Variants in FAM13A observed in about 807,000 individuals in gnomAD.
The protein encoded by FAM13A is family with sequence similarity 13 member A.
FAM13A carries 76 observed loss-of-function variants against 129.6 expected under a neutral mutation model. That is an observed-to-expected ratio of 0.59 (90% CI 0.49 to 0.71). The LOEUF (loss-of-function observed/expected upper bound fraction) is 0.71, where lower values mean the gene tolerates loss of function less well. Ranked by LOEUF, FAM13A falls within the 30% of genes least tolerant of loss-of-function variation. The probability of loss-of-function intolerance (pLI) is 0.00; values close to 1 mark genes in which losing one functional copy is unlikely to be tolerated. For missense variants in FAM13A, 1,108 were observed against 1,249.3 expected, an observed-to-expected ratio of 0.89 and a Z score of 1.70; for synonymous variants, 443 against 449.9, an observed-to-expected ratio of 0.98 and a Z score of 0.20.
chr4:88,903,917 C>A (rs776904361), intron 6 of FAM13A, among the ~76,000 whole-genome samples: 12 of 151,980 alleles, frequency 7.9e-5, no homozygotes, highest in Non-Finnish European at 1.8e-4. Flanking sequence ...GGAACTTAAA[C>A]ACATTTATAA....
At chr4:88,790,816 C>T (rs1210212268) in intron 8 of FAM13A, among the ~76,000 whole-genome samples, 189 bp from the exon 9 acceptor site, 1 of 152,118 alleles carries the variant, frequency 6.6e-6, no homozygotes, top group Non-Finnish European at 1.5e-5. Flanking sequence ...GCCCTGCTTG[C>T]TTATAACAGT....
intron 1 of FAM13A, among the ~76,000 whole-genome samples, chr4:89,043,734 CA>C (rs927036177): frequency 7.9e-5 from 12 of 152,142 alleles, no homozygotes; most frequent in African/African-American, 2.9e-4. Flanking sequence ...ACAACAACAA[CA>C]AAAAGATAAA....
intron 3 of FAM13A, among the ~76,000 whole-genome samples, chr4:89,013,550 A>G (rs1766031627): frequency 6.6e-6 from 1 of 152,086 alleles, no homozygotes; most frequent in Non-Finnish European, 1.5e-5. Context: ...ATATATGACT[A>G]TGGTCCTATA....
intron 6 of FAM13A, among the ~76,000 whole-genome samples, chr4:88,893,358 C>T (rs556115706): frequency 6.6e-6 from 1 of 152,352 alleles, no homozygotes; most frequent in South Asian, 2.1e-4. Flanking sequence ...GGTGCAGTGG[C>T]TCACGCCTTT....
chr4:88,834,484 A>C (rs892521105), intron 7 of FAM13A, among the ~76,000 whole-genome samples: 7 of 152,178 alleles, frequency 4.6e-5, no homozygotes, highest in African/African-American at 1.7e-4. Flanking sequence ...TTAACTCACT[A>C]TTTAAATAAA....
chr4:88,848,335 T>C (rs1167634055), intron 7 of FAM13A, among the ~76,000 whole-genome samples: 1 of 152,234 alleles, frequency 6.6e-6, no homozygotes, highest in Non-Finnish European at 1.5e-5. Context: ...TTCCCTCCTG[T>C]AGGTCCTTGT....
At chr4:88,818,840 C>T (rs796803975) in intron 7 of FAM13A, among the ~76,000 whole-genome samples, 28 of 152,300 alleles carry the variant, frequency 1.8e-4, no homozygotes, top group African/African-American at 5.3e-4. Flanking sequence ...GTCATCTCCA[C>T]GAGCAGCAGA....
At chr4:88,869,073 C>T (rs187509047) in intron 6 of FAM13A, among the ~76,000 whole-genome samples, 167 of 152,246 alleles carry the variant, frequency 1.1e-3, no homozygotes, top group African/African-American at 3.8e-3. Flanking sequence ...ATATGGTCTC[C>T]AATCAGCTAG....
intron 8 of FAM13A, among the ~76,000 whole-genome samples, chr4:88,801,086 G>A (rs1025827888): frequency 6.6e-6 from 1 of 152,108 alleles, no homozygotes; most frequent in Non-Finnish European, 1.5e-5. Context: ...AGCATAAGTT[G>A]TTTGGAAAGC....
intron 3 of FAM13A, among the ~76,000 whole-genome samples, chr4:89,006,907 GCTT>G (rs899575304): frequency 1.8e-4 from 28 of 152,136 alleles, no homozygotes; most frequent in African/African-American, 6.8e-4. Flanking sequence ...ACACTCAGTC[GCTT>G]CTTCTCCTCT....
intron 6 of FAM13A, among the ~76,000 whole-genome samples, chr4:88,890,129 A>G (rs1001655853): frequency 3.3e-5 from 5 of 152,232 alleles, no homozygotes; most frequent in African/African-American, 1.2e-4. Context: ...AGTTGCCTGT[A>G]TGTCTGTCTG....
Position 88,971,166 on chromosome 4 carries a change from C to T in FAM13A, c.605+19807G>A, listed in dbSNP as rs181842961. ...CCGGGAGGCGGAGCTTGCAGAGAGC[C>T]GAGATCGCGCCACTGCACTCCAGCC... On this transcript the variant is annotated intron_variant, in intron 4 of 23. Coordinates refer to ENST00000264344, the MANE Select transcript of FAM13A (RefSeq NM_014883.4). Among the ~76,000 whole-genome samples, 548 of 152,192 alleles carry T rather than the reference C, an allele frequency of 3.6e-3. 5 individuals carry two copies. The highest frequency in any genetic ancestry group is 0.012 in the African/African-American group (517 of 41,518).
chr4:88,897,943 T>G (rs945719588), intron 6 of FAM13A, among the ~76,000 whole-genome samples: 1 of 152,160 alleles, frequency 6.6e-6, no homozygotes, highest in Admixed American at 6.5e-5. Flanking sequence ...CACTCATCCA[T>G]GTAAGGCCAC....
chr4:88,846,064 AAAACATTTAAT>A (rs1290555006), intron 7 of FAM13A, among the ~76,000 whole-genome samples: 1 of 152,208 alleles, frequency 6.6e-6, no homozygotes, highest in Non-Finnish European at 1.5e-5. Flanking sequence ...ATAGAAAATA[AAAACATTTAAT>A]ATTAATCTCT....
At chr4:88,916,029 T>C (rs1345451863) in intron 5 of FAM13A, among the ~76,000 whole-genome samples, 1 of 151,932 alleles carries the variant, frequency 6.6e-6, no homozygotes, top group Non-Finnish European at 1.5e-5. Flanking sequence ...AAACCTCTTA[T>C]CTTTATAAAT....
chr4:89,039,170 A>G (rs1769783631), intron 1 of FAM13A, among the ~76,000 whole-genome samples: 1 of 152,222 alleles, frequency 6.6e-6, no homozygotes, highest in African/African-American at 2.4e-5. Flanking sequence ...ACTGTGAAAA[A>G]AAGAAACAAA....
chr4:88,965,149 T>G (rs530611997), intron 4 of FAM13A, among the ~76,000 whole-genome samples: 1 of 152,188 alleles, frequency 6.6e-6, no homozygotes, highest in African/African-American at 2.4e-5. Flanking sequence ...TGAGCAGCTG[T>G]AGCATTCCTG....
rs180745019 is a variant in FAM13A at position 88,909,707 on chromosome 4, T to G, written c.760-3245A>C. Among the ~76,000 whole-genome samples the G allele has an allele frequency of 1.6e-4, 24 of 152,160 alleles. No individual in the cohort carries two copies. In the East Asian group the frequency reaches 4.7e-3, roughly 29 times the overall value. ...TCTCCATGTTGGCCAGGATGGTCTC[T>G]ATCTCTTGACCTTGTGATCCGCCCA... On this transcript the variant is annotated intron_variant, in intron 5 of 23. Transcript: ENST00000264344.
chr4:88,910,351 C>A (rs1050267116), intron 5 of FAM13A, among the ~76,000 whole-genome samples: 1 of 152,042 alleles, frequency 6.6e-6, no homozygotes, highest in African/African-American at 2.4e-5. Flanking sequence ...GAAAAAAATA[C>A]CTTATCATGG....
Sources: gnomAD v4.1 joint callset for allele counts (sites outside exome capture counted in the v4.1 genomes callset) on GRCh38, gnomAD v4.1.1 for gene constraint, MANE v1.5 for transcripts, NCBI Gene and HGNC (gene_info 2026-07-23, HGNC 2026-07-21) for gene names.